The following PTPRO variants were observed in gnomAD, a reference collection of about 807,000 sequenced individuals.
PTPRO encodes receptor-type tyrosine-protein phosphatase O.
In PTPRO, 62 loss-of-function variants were observed where a neutral mutation model predicts 145.2. The observed-to-expected ratio is 0.43, with a 90% confidence interval of 0.35 to 0.53. The LOEUF (loss-of-function observed/expected upper bound fraction) is 0.53, where lower values mean the gene tolerates loss of function less well. Among genes scored for constraint, PTPRO ranks in the 20% least tolerant of loss-of-function variants. The pLI, the probability that PTPRO is intolerant of heterozygous loss-of-function variation, is 0.01. For synonymous variants in PTPRO, 565 were observed against 514.7 expected, an observed-to-expected ratio of 1.10 and a Z score of -1.32; for missense variants, 1,345 against 1,482.7, an observed-to-expected ratio of 0.91 and a Z score of 1.53.
intron 25 of PTPRO, among the ~76,000 whole-genome samples, chr12:15,593,869 C>T (rs1351799603): frequency 1.3e-5 from 2 of 152,092 alleles, no homozygotes; most frequent in East Asian, 3.8e-4. Flanking sequence ...ATAATTATTT[C>T]AATGTACTTT....
intron 1 of PTPRO, among the ~76,000 whole-genome samples, chr12:15,388,346 C>T (rs959706725): frequency 6.6e-6 from 1 of 152,010 alleles, no homozygotes; most frequent in Non-Finnish European, 1.5e-5. Context: ...GAAGAGATAG[C>T]CACTCACCCA....
chr12:15,326,428 C>G (rs150250846), intron 1 of PTPRO, among the ~76,000 whole-genome samples: 69 of 152,256 alleles, frequency 4.5e-4, no homozygotes, highest in African/African-American at 1.5e-3. Flanking sequence ...ACATATGTTT[C>G]CTTTTGTTCT....
At chr12:15,351,190 C>A (rs1937792804) in intron 1 of PTPRO, among the ~76,000 whole-genome samples, 1 of 152,014 alleles carries the variant, frequency 6.6e-6, no homozygotes, top group Admixed American at 6.5e-5. Flanking sequence ...GCTTCACAGT[C>A]GTCCTTGAAA....
chr12:15,443,387 A>G (rs761857876), intron 1 of PTPRO, among the ~76,000 whole-genome samples: 1 of 152,174 alleles, frequency 6.6e-6, no homozygotes, highest in Admixed American at 6.6e-5. Context: ...ACTTCAAACT[A>G]TAAGAATTCT....
intron 9 of PTPRO, among the ~76,000 whole-genome samples, chr12:15,517,498 G>A (rs1033268640): frequency 1.4e-4 from 22 of 152,172 alleles, no homozygotes; most frequent in Admixed American, 9.8e-4. Flanking sequence ...CAACAGTCCC[G>A]AAAAGTCTTA....
chr12:15,452,773 C>G (rs1442363829), intron 1 of PTPRO, among the ~76,000 whole-genome samples: 1 of 152,096 alleles, frequency 6.6e-6, no homozygotes, highest in Non-Finnish European at 1.5e-5. Flanking sequence ...GGCTTTCTGC[C>G]TTTACTACAC....
chr12:15,369,310 G>A (rs1028518950), intron 1 of PTPRO, among the ~76,000 whole-genome samples: 3 of 152,154 alleles, frequency 2.0e-5, no homozygotes, highest in African/African-American at 7.2e-5. Flanking sequence ...AAGGAAAGCA[G>A]CCATTTTTTT....
rs572794002 is a variant in PTPRO, at chr12:15,484,203, G to A, written c.305G>A (p.Gly102Glu). Reference sequence around the variant, plus strand: ...ATAATCACTCTGGTAGTGGTAAATGGAAATGTGGTGACCAAGCCATCCAGA... The same window carrying A: ...ATAATCACTCTGGTAGTGGTAAATGAAAATGTGGTGACCAAGCCATCCAGA... ...YYIITLVVVNGNVVTKPSRSI... is the reference protein window; with the variant it reads ...YYIITLVVVNENVVTKPSRSI... Residue 102 changes from glycine to glutamate, a missense_variant, in exon 2 of 27, where the codon GGA (glycine) becomes GAA (glutamate). Physicochemically the swap from Gly to Glu is moderately conservative, Grantham distance 98. This residue lies in a region of PTPRO where 1,130 missense variants were observed against 1,214.7 expected (regional missense o/e 0.93). Transcript: ENST00000281171. 2 of 1,613,476 alleles carry A rather than the reference G, an allele frequency of 1.2e-6. No homozygotes were observed. The highest frequency in any genetic ancestry group is 2.7e-5 in the African/African-American group (2 of 75,010).
intron 1 of PTPRO, among the ~76,000 whole-genome samples, chr12:15,369,816 C>T (rs1039900309): frequency 1.3e-5 from 2 of 152,086 alleles, no homozygotes; most frequent in Non-Finnish European, 2.9e-5. Context: ...CTTTGAGAGG[C>T]CAAGGAGGGT....
intron 2 of PTPRO, among the ~76,000 whole-genome samples, chr12:15,496,726 T>C (rs2136461037): frequency 6.6e-6 from 1 of 152,352 alleles, no homozygotes; most frequent in Non-Finnish European, 1.5e-5. Context: ...TAAAATTTTA[T>C]ACTTCATATG....
At chr12:15,545,900 C>T (rs1943275555) in intron 12 of PTPRO, among the ~76,000 whole-genome samples, 1 of 151,676 alleles carries the variant, frequency 6.6e-6, no homozygotes, top group African/African-American at 2.4e-5. Flanking sequence ...CAGGTAGTCC[C>T]AGTTACTTGG....
At chr12:15,515,996 T>TTTG (rs1565677979) in intron 8 of PTPRO, among the ~76,000 whole-genome samples, 4 of 137,626 alleles carry the variant, frequency 2.9e-5, no homozygotes, top group African/African-American at 1.1e-4. Context: ...TGTTTTGTTT[T>TTTG]TTTTTTTTTT....
chr12:15,516,521 AAG>A (rs1942597033), intron 8 of PTPRO, among the ~76,000 whole-genome samples: 1 of 145,646 alleles, frequency 6.9e-6, no homozygotes, highest in African/African-American at 2.5e-5. Flanking sequence ...AAGAAAGAAA[AAG>A]AAAAGAAAAG....
At chr12:15,521,182 T>G (rs1942712899) in intron 10 of PTPRO, among the ~76,000 whole-genome samples, 1 of 151,650 alleles carries the variant, frequency 6.6e-6, no homozygotes. Context: ...TTTTGGCAAA[T>G]AGTTTCCTCA....
At chr12:15,492,532 A>G (rs951799411) in intron 2 of PTPRO, among the ~76,000 whole-genome samples, 2 of 152,072 alleles carry the variant, frequency 1.3e-5, no homozygotes, top group African/African-American at 4.8e-5. Flanking sequence ...ACATGATGTG[A>G]CCCTATCTCA....
chr12:15,331,962 C>CTT lies in PTPRO; in HGVS notation c.75+9180_75+9181dup, dbSNP rs200334215. 5.2e-3 allele frequency among the ~76,000 whole-genome samples: 620 copies of CTT among 118,252 alleles called. 12 individuals are homozygous for CTT. Among genetic ancestry groups the CTT allele is most frequent in the African/African-American group, 8.9e-3 (289 of 32,634 alleles). 77.6% of individuals were successfully genotyped at this position (118,252 alleles called of 152,430 possible). On this transcript the variant is annotated intron_variant, in intron 1 of 26. Transcript: ENST00000281171. ...GTATCCTTTTTGTTTCTCTTTCTTT[C>CTT]TTTTTTTTTTTTTTTTTTTTGACAG...
chr12:15,586,521 G>A (rs1391066669), intron 23 of PTPRO, among the ~76,000 whole-genome samples: 1 of 152,192 alleles, frequency 6.6e-6, no homozygotes, highest in Non-Finnish European at 1.5e-5. Context: ...CAGCAACTGG[G>A]AAAAGTGTGT....
At chr12:15,589,704 C>T in intron 25 of PTPRO, 114 bp downstream of exon 25, 2 of 1,339,692 alleles carry the variant, frequency 1.5e-6, no homozygotes, top group Non-Finnish European at 2.1e-6. Flanking sequence ...CTTTCTTTCC[C>T]ATTTTCTTAT....
intron 17 of PTPRO, among the ~76,000 whole-genome samples, chr12:15,565,077 C>T (rs752187607): frequency 7.2e-5 from 11 of 152,164 alleles, no homozygotes; most frequent in African/African-American, 1.4e-4. Context: ...ATAAAAACAA[C>T]GCCATAGTAG....
Sources: gnomAD v4.1 joint callset for allele counts (sites outside exome capture counted in the v4.1 genomes callset) on GRCh38, gnomAD v4.1.1 for gene constraint, gnomAD v4.1.1 regional missense constraint, MANE v1.5 for transcripts, NCBI Gene and HGNC (gene_info 2026-07-23, HGNC 2026-07-21) for gene names.